The following NDUFS4 variants were observed in gnomAD, a reference collection of about 807,000 sequenced individuals.
The protein encoded by NDUFS4 is NADH:ubiquinone oxidoreductase subunit S4.
Under a neutral mutation model 24.3 loss-of-function variants are expected in NDUFS4, and 28 were observed. That is an observed-to-expected ratio of 1.15 (90% CI 0.85 to 1.58). NDUFS4 has a LOEUF of 1.58. NDUFS4 is among the 40% of genes most tolerant of loss of function. NDUFS4 has a pLI of 0.00. For missense variants in NDUFS4, 223 were observed against 207.9 expected (o/e 1.07, Z -0.45); for synonymous variants, 93 against 69.7 (o/e 1.34, Z -1.67).
chr5:53,618,914 G>A (rs1464633860), intron 2 of NDUFS4, among the ~76,000 whole-genome samples: 2 of 151,624 alleles, frequency 1.3e-5, no homozygotes, highest in African/African-American at 2.4e-5. Flanking sequence ...AGGAGTTCAA[G>A]ACCAGCCTGG....
intron 1 of NDUFS4, among the ~76,000 whole-genome samples, chr5:53,597,851 G>A (rs256083): frequency 0.79 from 119,506 of 152,116 alleles, 47,077 homozygotes; most frequent in African/African-American, 0.84. Flanking sequence ...TGCAAAACAC[G>A]TATCTCATAA....
intron 1 of NDUFS4, among the ~76,000 whole-genome samples, chr5:53,591,461 T>TTGGGG (rs1491299426): frequency 7.4e-5 from 6 of 81,192 alleles, no homozygotes; most frequent in African/African-American, 2.0e-4. Context: ...TTGTTTTTTT[T>TTGGGG]GGGGGGGGGG....
chr5:53,623,884 A>G (rs757633794), intron 2 of NDUFS4, among the ~76,000 whole-genome samples: 1 of 151,870 alleles, frequency 6.6e-6, no homozygotes, highest in Non-Finnish European at 1.5e-5. Flanking sequence ...ATGCCCTCCT[A>G]ATTTTTGTAT....
At chr5:53,664,525 C>T (rs1450863109) in intron 4 of NDUFS4, among the ~76,000 whole-genome samples, 8 of 152,086 alleles carry the variant, frequency 5.3e-5, no homozygotes, top group African/African-American at 1.2e-4. Context: ...AGGCTTTGTT[C>T]GTTTCTTTTT....
At position 53,629,051 on chromosome 5, in the gene NDUFS4, T is replaced by C. The variant is rs59704476; in HGVS notation, c.178-17182T>C. Among the ~76,000 whole-genome samples, 928 of 152,336 alleles carry C rather than the reference T, an allele frequency of 6.1e-3. 11 individuals carry two copies. The highest frequency in any genetic ancestry group is 0.021 in the African/African-American group (885 of 41,586). ...ATTTCCCTCTACACACTGCTTTAAA[T>C]GTGTCCCAGAGATTCTGGTACGTTG... is the stretch of plus-strand genomic sequence containing the variant. On this transcript the variant is annotated intron_variant, in intron 2 of 4. Transcript: ENST00000296684.
At chr5:53,626,133 G>A (rs982091964) in intron 2 of NDUFS4, among the ~76,000 whole-genome samples, 19 of 152,036 alleles carry the variant, frequency 1.2e-4, no homozygotes, top group African/African-American at 4.3e-4. Context: ...GAGAACATGC[G>A]GTGTTAGGTT....
intron 1 of NDUFS4, among the ~76,000 whole-genome samples, chr5:53,578,423 C>T (rs256108): frequency 0.79 from 119,435 of 152,082 alleles, 47,029 homozygotes; most frequent in African/African-American, 0.84. Context: ...TGTTGGCTCA[C>T]GATATTAGCC....
At chr5:53,615,064 A>G (rs1361026020) in intron 2 of NDUFS4, among the ~76,000 whole-genome samples, 1 of 151,926 alleles carries the variant, frequency 6.6e-6, no homozygotes, top group Admixed American at 6.6e-5. Flanking sequence ...AATTTATGGT[A>G]GGGTATGCAG....
intron 1 of NDUFS4, among the ~76,000 whole-genome samples, chr5:53,585,777 G>A (rs769771035): frequency 6.6e-6 from 1 of 151,486 alleles, no homozygotes; most frequent in Non-Finnish European, 1.5e-5. Context: ...GTGTGTATGT[G>A]TGTGTATACA....
intron 2 of NDUFS4, among the ~76,000 whole-genome samples, chr5:53,621,827 G>A (rs1045032054): frequency 1.3e-5 from 2 of 148,530 alleles, no homozygotes; most frequent in African/African-American, 5.0e-5. Flanking sequence ...TCAGCCTCCC[G>A]TGTAGCTGGG....
intron 4 of NDUFS4, among the ~76,000 whole-genome samples, chr5:53,676,475 T>G (rs1366026252): frequency 1.3e-5 from 2 of 152,164 alleles, no homozygotes; most frequent in Non-Finnish European, 2.9e-5. Flanking sequence ...AACATTGAAC[T>G]CACAGCCAAC....
chr5:53,646,381 A>G lies in NDUFS4; in HGVS notation c.326A>G (p.Asn109Ser), dbSNP rs1053384553. 6.8e-6 allele frequency: 11 copies of G among 1,613,706 alleles called. No individual in the cohort carries two copies. Among genetic ancestry groups the G allele is most frequent in the Admixed American group, 3.3e-5 (2 of 59,988 alleles). The change falls in exon 3 of 5, where the codon AAT (asparagine) becomes AGT (serine). Residue 109 changes from asparagine (N) to serine (S), a missense_variant. Coordinates refer to ENST00000296684, the MANE Select transcript of NDUFS4 (RefSeq NM_002495.4). ...MEFDTRERWENPLMGWASTAD... is the reference protein window; with the variant it reads ...MEFDTRERWESPLMGWASTAD... ...TTTGATACCAGAGAGCGATGGGAAA[A>G]TCCTTTGATGGGTTGGGCATCAACG...
chr5:53,666,311 A>G (rs888271624), intron 4 of NDUFS4, among the ~76,000 whole-genome samples: 11 of 152,244 alleles, frequency 7.2e-5, no homozygotes, highest in African/African-American at 2.7e-4. Context: ...AAGTGGTCAC[A>G]AGGACTGCAT....
At chr5:53,567,987 C>T (rs1749090595) in intron 1 of NDUFS4, among the ~76,000 whole-genome samples, 1 of 152,106 alleles carries the variant, frequency 6.6e-6, no homozygotes, top group African/African-American at 2.4e-5. Flanking sequence ...TGACCACATT[C>T]TTCATAACAA....
chr5:53,600,773 T>G (rs1750287861), intron 1 of NDUFS4, among the ~76,000 whole-genome samples: 2 of 152,222 alleles, frequency 1.3e-5, no homozygotes, highest in South Asian at 4.1e-4. Context: ...ATGATATAAC[T>G]TACACAAGCA....
intron 1 of NDUFS4, among the ~76,000 whole-genome samples, chr5:53,591,468 G>T (rs1237199785): frequency 4.5e-5 from 6 of 133,414 alleles, no homozygotes; most frequent in South Asian, 2.7e-4. Context: ...TTTTGGGGGG[G>T]GGGGGTGATA....
At chr5:53,681,508 T>G (rs1358109533) in intron 4 of NDUFS4, among the ~76,000 whole-genome samples, 1 of 152,144 alleles carries the variant, frequency 6.6e-6, no homozygotes, top group African/African-American at 2.4e-5. Flanking sequence ...TAGTAAATTT[T>G]TTGAAATGGA....
chr5:53,609,816 C>G (rs111847492), intron 2 of NDUFS4, among the ~76,000 whole-genome samples: 1 of 152,124 alleles, frequency 6.6e-6, no homozygotes, highest in Admixed American at 6.6e-5. Context: ...TGGCTTCCTC[C>G]TTAGACCTCA....
chr5:53,610,978 T>G (rs1309245108), intron 2 of NDUFS4, among the ~76,000 whole-genome samples: 1 of 152,144 alleles, frequency 6.6e-6, no homozygotes, highest in African/African-American at 2.4e-5. Context: ...ATTCTCTCTT[T>G]TGTGTGCTGT....
Sources: gnomAD v4.1 joint callset for allele counts (sites outside exome capture counted in the v4.1 genomes callset) on GRCh38, gnomAD v4.1.1 for gene constraint, MANE v1.5 for transcripts, NCBI Gene and HGNC (gene_info 2026-07-23, HGNC 2026-07-21) for gene names.